Variants in PLAA observed in about 807,000 individuals in gnomAD.
The protein encoded by PLAA is phospholipase A-2-activating protein.
PLAA carries 48 observed loss-of-function variants against 84.1 expected under a neutral mutation model. That is an observed-to-expected ratio of 0.57 (90% CI 0.45 to 0.73). The LOEUF (loss-of-function observed/expected upper bound fraction) is 0.73. PLAA is among the 30% of genes least tolerant of loss of function. PLAA has a pLI of 0.00. For synonymous variants in PLAA, 392 were observed against 336.6 expected, an observed-to-expected ratio of 1.16 and a Z score of -1.80; for missense variants, 903 against 954.7, an observed-to-expected ratio of 0.95 and a Z score of 0.71.
chr9:26,944,828 A>C (rs1340682713), intron 1 of PLAA, among the ~76,000 whole-genome samples: 1 of 152,204 alleles, frequency 6.6e-6, no homozygotes, highest in Non-Finnish European at 1.5e-5. Flanking sequence ...GAAAAACAAA[A>C]ACAAAAAAAT....
chr9:26,924,618 C>T (rs1824882262), intron 6 of PLAA, among the ~76,000 whole-genome samples: 1 of 152,128 alleles, frequency 6.6e-6, no homozygotes, highest in South Asian at 2.1e-4. Flanking sequence ...TCAAACTTTC[C>T]ATTCTTTGAC....
At chr9:26,943,354 C>T (rs1366255013) in intron 1 of PLAA, among the ~76,000 whole-genome samples, 3 of 152,170 alleles carry the variant, frequency 2.0e-5, no homozygotes, top group Non-Finnish European at 4.4e-5. Flanking sequence ...ATTTCTGCCT[C>T]CCTAGAACTA....
In PLAA at chr9:26,913,917, C is replaced by T. The variant is rs750010407; in HGVS notation, c.1517G>A (p.Ser506Asn). Residue 506 changes from serine (S) to asparagine (N), a missense_variant, in exon 11 of 14, where the codon AGT becomes AAT. Physicochemically the swap from Ser to Asn is conservative, Grantham distance 46. Transcript: ENST00000397292. ...GAGRYVPGSASMGTTMAGVDP... is the reference protein window; with the variant it reads ...GAGRYVPGSANMGTTMAGVDP... ...AACTCCGGCCATGGTAGTTCCCATA[C>T]TTGCAGAACCTGGTACATAACGACC... is the stretch of plus-strand genomic sequence containing the variant. 3 of 1,612,400 alleles carry T rather than the reference C, an allele frequency of 1.9e-6. No individual in the cohort carries two copies. Among genetic ancestry groups the T allele is most frequent in the Non-Finnish European group, 8.5e-7 (1 of 1,178,500 alleles).
chr9:26,937,398 A>G (rs1296189797), intron 1 of PLAA, among the ~76,000 whole-genome samples: 6 of 152,168 alleles, frequency 3.9e-5, no homozygotes, highest in African/African-American at 1.2e-4. Context: ...ACAAAAACAT[A>G]ACAAAAAACA....
At chr9:26,941,169 A>AC (rs59351992) in intron 1 of PLAA, among the ~76,000 whole-genome samples, 12,397 of 144,702 alleles carry the variant, frequency 0.086, 661 homozygotes, top group Middle Eastern at 0.15. Context: ...AAAAAAAAAC[A>AC]AAAACAAAAC....
chr9:26,928,647 T>C (rs1371226178), intron 2 of PLAA, among the ~76,000 whole-genome samples: 4 of 152,232 alleles, frequency 2.6e-5, no homozygotes, highest in African/African-American at 9.6e-5. Flanking sequence ...GCAGAAATAT[T>C]ACTCAAAATC....
chr9:26,945,812 C>A (rs1379148413), intron 1 of PLAA, among the ~76,000 whole-genome samples: 6 of 152,258 alleles, frequency 3.9e-5, no homozygotes, highest in Admixed American at 2.6e-4. Flanking sequence ...CCTATTTGCT[C>A]TTCCACGACC....
In PLAA at chr9:26,928,294, C is replaced by A; in HGVS notation, c.444+14G>T. The A allele has an allele frequency of 6.2e-7, 1 of 1,613,560 alleles. No homozygotes were observed. Among genetic ancestry groups the A allele is most frequent in the Non-Finnish European group, 8.5e-7 (1 of 1,179,456 alleles). On this transcript the variant is annotated intron_variant, in intron 3 of 13. Transcript: ENST00000397292. ...TTAATTATTCTTTAGAATATTTACA[C>A]AGAACTACTGTACCTGCAAGGTCAT... is the stretch of plus-strand genomic sequence containing the variant.
rs140162377 is a variant in PLAA at position 26,923,486 on chromosome 9, C to A, written c.870-139G>T. The A allele has an allele frequency of 9.8e-4, 625 of 635,428 alleles. 1 individual carries two copies. The highest frequency in any genetic ancestry group is 8.8e-3 in the East Asian group (324 of 36,962). The allele number at this position is 635,428 out of a possible 1,614,324, so 39.4% of individuals were successfully genotyped here. ...GCATGTTATTAATTGCTGATTACAG[C>A]ACTGTGCTGACTTCAGCACATGCTA... On this transcript the variant is annotated intron_variant, in intron 6 of 13. Transcript: ENST00000397292.
chr9:26,906,604 T>C (rs1454039577), intron 13 of PLAA, among the ~76,000 whole-genome samples: 2 of 152,016 alleles, frequency 1.3e-5, no homozygotes, highest in Non-Finnish European at 2.9e-5. Flanking sequence ...ATTTTTGTAT[T>C]GTTAGTAGAG....
intron 13 of PLAA, 47 bp from the exon 14 acceptor site, chr9:26,906,123 T>G: frequency 8.2e-7 from 1 of 1,225,690 alleles, no homozygotes; most frequent in Non-Finnish European, 1.1e-6. Context: ...TAAAGAAAAT[T>G]TCTTTTGACT....
At position 26,935,149 on chromosome 9, in the gene PLAA, A is replaced by G. The variant is rs758756566; in HGVS notation, c.207T>C (p.Ser69=). ...CACTTGAGGGTATGATGCATACACAAGATACAAAATTGGAATGGCCACTCA... is the reference window on the plus strand; with the variant it reads ...CACTTGAGGGTATGATGCATACACAGGATACAAAATTGGAATGGCCACTCA... ...HCMSGHSNFV[S]CVCIIPSSDI... The change falls in exon 2 of 14, where the codon TCT becomes TCC. Residue 69 remains serine, a synonymous_variant. Coordinates refer to ENST00000397292, the MANE Select transcript of PLAA (RefSeq NM_001031689.3). 2 of 1,599,428 alleles carry G rather than the reference A, an allele frequency of 1.3e-6. No individual in the cohort carries two copies. The highest frequency in any genetic ancestry group is 1.8e-5 in the Admixed American group (1 of 55,500).
At chr9:26,908,561 T>G (rs1165118004) in intron 12 of PLAA, among the ~76,000 whole-genome samples, 1 of 150,034 alleles carries the variant, frequency 6.7e-6, no homozygotes, top group Admixed American at 6.6e-5. Context: ...CCATCAGGAT[T>G]TTCAAGCGAT....
At chr9:26,941,198 A>T (rs1265697235) in intron 1 of PLAA, among the ~76,000 whole-genome samples, 1 of 150,984 alleles carries the variant, frequency 6.6e-6, no homozygotes, top group Non-Finnish European at 1.5e-5. Flanking sequence ...TGGGGGAGGG[A>T]TGTGCAGCTA....
At chr9:26,910,460 G>T in intron 11 of PLAA, 21 bp from the exon 12 acceptor site, 1 of 1,552,370 alleles carries the variant, frequency 6.4e-7, no homozygotes, top group Non-Finnish European at 8.9e-7. Flanking sequence ...AATAGAAGAT[G>T]ATGATAATCA....
intron 7 of PLAA, among the ~76,000 whole-genome samples, chr9:26,920,836 C>T (rs758558396): frequency 1.2e-4 from 18 of 152,144 alleles, no homozygotes; most frequent in Admixed American, 1.0e-3. Context: ...AAACTGTCTC[C>T]TTAATATCTC....
chr9:26,906,145 AG>A, intron 13 of PLAA, 69 bp from the exon 14 acceptor site: 1 of 1,060,724 alleles, frequency 9.4e-7, no homozygotes, highest in Non-Finnish European at 1.3e-6. Context: ...TCGACTTTGA[AG>A]GATTTTATTT....
chr9:26,940,479 G>C (rs900349307), intron 1 of PLAA, among the ~76,000 whole-genome samples: 2 of 152,198 alleles, frequency 1.3e-5, no homozygotes, highest in African/African-American at 4.8e-5. Flanking sequence ...TAGAATCGTG[G>C]TTGCCAGGGT....
chr9:26,921,537 C>T (rs187308914), intron 7 of PLAA, among the ~76,000 whole-genome samples: 1 of 152,210 alleles, frequency 6.6e-6, no homozygotes, highest in African/African-American at 2.4e-5. Context: ...GAAAATCCAG[C>T]CTAACACACG....
Sources: allele counts gnomAD v4.1 joint callset (sites outside exome capture counted in the v4.1 genomes callset), GRCh38; gene constraint gnomAD v4.1.1; transcripts MANE v1.5; gene names NCBI Gene and HGNC (gene_info 2026-07-23, HGNC 2026-07-21).